The following AGBL4 variants were observed in gnomAD, a reference collection of about 807,000 sequenced individuals.
AGBL4 encodes the protein AGBL carboxypeptidase 4.
AGBL4 carries 58 observed loss-of-function variants against 66.4 expected under a neutral mutation model. That is an observed-to-expected ratio of 0.87 (90% confidence interval 0.71 to 1.09). The LOEUF is 1.09. Ranked by LOEUF, AGBL4 falls within the 50% of genes least tolerant of loss-of-function variation. The probability of loss-of-function intolerance (pLI) is 0.00; values close to 1 mark genes in which losing one functional copy is unlikely to be tolerated. For synonymous variants in AGBL4, 234 were observed against 222.9 expected (o/e 1.05, Z -0.44); for missense variants, 579 against 631.0 (o/e 0.92, Z 0.88).
intron 4 of AGBL4, among the ~76,000 whole-genome samples, chr1:49,123,136 A>G (rs1301865337): frequency 6.6e-6 from 1 of 152,198 alleles, no homozygotes; most frequent in Non-Finnish European, 1.5e-5. Context: ...TACAGGCATG[A>G]GCCACTGCGC....
intron 6 of AGBL4, among the ~76,000 whole-genome samples, chr1:48,758,538 T>C (rs889768515): frequency 6.6e-6 from 1 of 152,232 alleles, no homozygotes; most frequent in Non-Finnish European, 1.5e-5. Context: ...GTTGTTAGGA[T>C]CATGTCTACT....
Position 49,657,607 on chromosome 1 carries a change from A to G in AGBL4, c.282+39706T>C, listed in dbSNP as rs190654619. Among the ~76,000 whole-genome samples, 217 of 152,324 alleles carry G rather than the reference A, an allele frequency of 1.4e-3. 1 individual carries two copies. Among genetic ancestry groups the G allele is most frequent in the Middle Eastern group, 6.8e-3 (2 of 294 alleles). On this transcript the variant is annotated intron_variant, in intron 3 of 13. Coordinates refer to ENST00000371839, the MANE Select transcript of AGBL4 (RefSeq NM_032785.4). Reference sequence around the variant, plus strand: ...GCATCATGCTACCTGACTTCAAACTATACTACAAGGCCACAGTAACCAAAA... The same window carrying G: ...GCATCATGCTACCTGACTTCAAACTGTACTACAAGGCCACAGTAACCAAAA...
Position 49,822,429 on chromosome 1 carries a change from C to G in AGBL4, c.157+28967G>C, listed in dbSNP as rs12066074. Among the ~76,000 whole-genome samples, 1,050 of 151,970 alleles carry G rather than the reference C, an allele frequency of 6.9e-3. 11 individuals are homozygous for G. The highest frequency in any genetic ancestry group is 0.024 in the African/African-American group (977 of 41,468). ...CTGCAACCTCCACCTCCTGGGTTCA[C>G]GCAATTCTCCTGCCTTAGCCTCCTG... On this transcript the variant is annotated intron_variant, in intron 2 of 13. Coordinates refer to ENST00000371839, the MANE Select transcript of AGBL4 (RefSeq NM_032785.4).
rs571302601 is a variant in AGBL4, at chr1:49,295,088, A to G, written c.283-49224T>C. ...ATGTAGAACTATTATTCATTCCAGC[A>G]TCCATGTCTTTGTTCTCATCACTTA... On this transcript the variant is annotated intron_variant, in intron 3 of 13. Coordinates refer to ENST00000371839, the MANE Select transcript of AGBL4 (RefSeq NM_032785.4). Among the ~76,000 whole-genome samples the G allele has an allele frequency of 8.8e-4, 134 of 152,310 alleles. 1 individual carries two copies. The highest frequency in any genetic ancestry group is 3.2e-3 in the African/African-American group (131 of 41,578).
intron 9 of AGBL4, among the ~76,000 whole-genome samples, chr1:48,616,136 G>T (rs1645314329): frequency 6.6e-6 from 1 of 152,150 alleles, no homozygotes; most frequent in Non-Finnish European, 1.5e-5. Flanking sequence ...ATCATAGCAG[G>T]GTACTTGAAC....
At chr1:48,824,681 T>A (rs1646387453) in intron 6 of AGBL4, among the ~76,000 whole-genome samples, 1 of 152,126 alleles carries the variant, frequency 6.6e-6, no homozygotes, top group African/African-American at 2.4e-5. Context: ...GAAGAACAAC[T>A]AGGGGTAAAA....
At chr1:49,243,955 T>C (rs901545308) in intron 4 of AGBL4, among the ~76,000 whole-genome samples, 5 of 151,774 alleles carry the variant, frequency 3.3e-5, no homozygotes, top group African/African-American at 4.8e-5. Context: ...CCTGCCAACA[T>C]TGCATAAGAG....
intron 3 of AGBL4, among the ~76,000 whole-genome samples, chr1:49,621,767 G>A (rs1645364574): frequency 6.6e-6 from 1 of 152,126 alleles, no homozygotes; most frequent in African/African-American, 2.4e-5. Context: ...CTACATGTCA[G>A]GGCACATTAA....
chr1:49,482,815 G>A (rs1223489351), intron 3 of AGBL4, among the ~76,000 whole-genome samples: 1 of 152,006 alleles, frequency 6.6e-6, no homozygotes, highest in Non-Finnish European at 1.5e-5. Flanking sequence ...ATTGTGGTAT[G>A]TTGTATCTTT....
intron 1 of AGBL4, among the ~76,000 whole-genome samples, chr1:49,916,616 C>G (rs1651531895): frequency 6.6e-6 from 1 of 152,148 alleles, no homozygotes; most frequent in African/African-American, 2.4e-5. Flanking sequence ...GATTGGTATA[C>G]CTGAAAGTGA....
intron 2 of AGBL4, among the ~76,000 whole-genome samples, chr1:49,827,021 T>G (rs907778542): frequency 6.6e-6 from 1 of 152,120 alleles, no homozygotes; most frequent in African/African-American, 2.4e-5. Flanking sequence ...TAATTAACGT[T>G]AAAGACAATA....
intron 5 of AGBL4, among the ~76,000 whole-genome samples, chr1:49,018,555 A>G (rs1392761437): frequency 6.6e-6 from 1 of 152,190 alleles, no homozygotes; most frequent in African/African-American, 2.4e-5. Flanking sequence ...TCTTCCTGAC[A>G]TGACAAAATC....
chr1:49,113,871 G>A (rs777979155), intron 4 of AGBL4, among the ~76,000 whole-genome samples: 5 of 152,140 alleles, frequency 3.3e-5, no homozygotes, highest in Non-Finnish European at 7.4e-5. Flanking sequence ...TCAACAGTAG[G>A]CTTAAAATAT....
At chr1:49,851,615 G>A in intron 1 of AGBL4, 97 bp from the exon 2 acceptor site, 1 of 1,267,418 alleles carries the variant, frequency 7.9e-7, no homozygotes, top group Non-Finnish European at 1.1e-6. Flanking sequence ...GTCACCAAGT[G>A]TTAACCCAAG....
chr1:49,101,482 T>C (rs867595986), intron 4 of AGBL4, among the ~76,000 whole-genome samples: 1 of 152,194 alleles, frequency 6.6e-6, no homozygotes, highest in Non-Finnish European at 1.5e-5. Context: ...CTACCATGCC[T>C]GGCCTAAAGA....
At chr1:49,091,276 A>T (rs1242801734) in intron 4 of AGBL4, among the ~76,000 whole-genome samples, 1 of 152,172 alleles carries the variant, frequency 6.6e-6, no homozygotes, top group African/African-American at 2.4e-5. Flanking sequence ...AAGAAAACTC[A>T]ACAAAGCAAC....
intron 3 of AGBL4, among the ~76,000 whole-genome samples, chr1:49,503,736 T>C (rs1028362030): frequency 6.6e-6 from 1 of 152,164 alleles, no homozygotes; most frequent in Non-Finnish European, 1.5e-5. Flanking sequence ...TATGGCCCTT[T>C]TGTTTAGGCC....
At chr1:49,855,991 G>C (rs1356077087) in intron 1 of AGBL4, among the ~76,000 whole-genome samples, 1 of 151,782 alleles carries the variant, frequency 6.6e-6, no homozygotes, top group Non-Finnish European at 1.5e-5. Context: ...TCGATAAACT[G>C]CTAGCTAGCT....
intron 13 of AGBL4, 57 bp downstream of exon 13, chr1:48,534,833 G>A (rs767013728): frequency 6.6e-7 from 1 of 1,507,012 alleles, no homozygotes; most frequent in Non-Finnish European, 9.0e-7. Flanking sequence ...ATACAGCCCT[G>A]GAGCACATGC....
Sources: allele counts gnomAD v4.1 joint callset (sites outside exome capture counted in the v4.1 genomes callset), GRCh38; gene constraint gnomAD v4.1.1; transcripts MANE v1.5; gene names NCBI Gene and HGNC (gene_info 2026-07-23, HGNC 2026-07-21).